The following ADRA1A variants were observed in gnomAD, a reference collection of about 807,000 sequenced individuals.
ADRA1A encodes the protein adrenoceptor alpha 1A, also known as alpha-1A adrenergic receptor.
Under a neutral mutation model 29.6 loss-of-function variants are expected in ADRA1A, and 31 were observed. The observed-to-expected ratio is 1.05, with a 90% CI of 0.79 to 1.41. ADRA1A has a LOEUF of 1.41. Among genes scored for constraint, ADRA1A ranks in the 40% most tolerant of loss-of-function variants. The pLI is 0.00. For synonymous variants in ADRA1A, 311 were observed against 254.3 expected (o/e 1.22, Z -2.12); for missense variants, 619 against 601.1 (o/e 1.03, Z -0.31).
intron 2 of ADRA1A, among the ~76,000 whole-genome samples, chr8:26,773,708 ACT>A (rs1806340835): frequency 1.3e-5 from 2 of 152,234 alleles, no homozygotes; most frequent in South Asian, 4.1e-4. Context: ...CTTCAATTAC[ACT>A]CATTCTGCTT....
At chr8:26,793,866 A>AT (rs1807999956) in intron 2 of ADRA1A, among the ~76,000 whole-genome samples, 1 of 152,042 alleles carries the variant, frequency 6.6e-6, no homozygotes, top group Admixed American at 6.6e-5. Flanking sequence ...GTATTTTCAG[A>AT]GTCTTTAAGT....
At chr8:26,765,772 T>A, downstream of ADRA1A, 3 of 1,184,190 alleles carry the variant, frequency 2.5e-6, no homozygotes, top group Non-Finnish European at 3.1e-6. Flanking sequence ...AGGCAGCATC[T>A]TTTTTGGCCA....
rs769974972 is a variant in ADRA1A at position 26,770,131 on chromosome 8, C to T, written c.*18G>A. 3.2e-5 allele frequency: 49 copies of T among 1,526,474 alleles called. No individual in the cohort carries two copies. The highest frequency in any genetic ancestry group is 4.0e-5 in the Non-Finnish European group (46 of 1,138,392). The allele number at this position is 1,526,474 out of a possible 1,614,324, so 94.6% of individuals were successfully genotyped here. Reference sequence around the variant, plus strand: ...GGGTACCTAAGATTATTCCCCTTTCCTCTGCATCTTTCCTGTCCTAGACTT... The same window carrying T: ...GGGTACCTAAGATTATTCCCCTTTCTTCTGCATCTTTCCTGTCCTAGACTT... On this transcript the variant is annotated 3_prime_UTR_variant, in exon 3 of 3. Transcript: ENST00000380573.
At chr8:26,844,095 T>A (rs943059959) in intron 2 of ADRA1A, among the ~76,000 whole-genome samples, 12 of 152,182 alleles carry the variant, frequency 7.9e-5, no homozygotes, top group Admixed American at 7.9e-4. Flanking sequence ...TTTTTCAGAT[T>A]TTATAAAGGT....
At chr8:26,839,722 T>C (rs527677266) in intron 2 of ADRA1A, among the ~76,000 whole-genome samples, 1 of 152,296 alleles carries the variant, frequency 6.6e-6, no homozygotes, top group African/African-American at 2.4e-5. Flanking sequence ...TGGAAGTAAT[T>C]TGGCGGAAGG....
At position 26,769,516 on chromosome 8, in the gene ADRA1A, T is replaced by G. The variant is rs1805982507; in HGVS notation, c.*633A>C. 1.0e-6 allele frequency: 1 copy of G among 985,268 alleles called. No individual in the cohort carries two copies. The highest frequency in any genetic ancestry group is 1.7e-5 in the African/African-American group (1 of 57,230). The allele number at this position is 985,268 out of a possible 1,614,324, so 61.0% of individuals were successfully genotyped here. A position where few individuals can be genotyped will look rare whatever the true frequency, so the allele number is the denominator to read the frequency against. On this transcript the variant is annotated 3_prime_UTR_variant, in exon 3 of 3. Coordinates refer to ENST00000380573, the MANE Select transcript of ADRA1A (RefSeq NM_000680.4). ...CCAAGACATCATGAGTGCCCCTCAC[T>G]CTCATCTTTGGGAAATGAGGAGCAG...
At chr8:26,758,098 T>A (rs1484371532) in intron 2 of ADRA1A, among the ~76,000 whole-genome samples, 1 of 152,158 alleles carries the variant, frequency 6.6e-6, no homozygotes, top group Non-Finnish European at 1.5e-5. Context: ...TAAGACAAAT[T>A]TTCCAGGTGG....
chr8:26,864,042 G>A lies in ADRA1A; in HGVS notation c.883+45C>T. The A allele has an allele frequency of 6.4e-7, 1 of 1,554,998 alleles. No individual in the cohort carries two copies. Among genetic ancestry groups the A allele is most frequent in the Non-Finnish European group, 8.7e-7 (1 of 1,150,940 alleles). On this transcript the variant is annotated intron_variant, in intron 2 of 2. Transcript: ENST00000380573. The surrounding 1 kb of genome is among the most constrained non-coding windows in gnomAD (Gnocchi z 8.1). ...GTCTGGGGTAACAGAAGCCGAGGAG[G>A]GTGAAGACCCCCAGATGCTAAAGTG...
chr8:26,822,549 A>C lies in ADRA1A; in HGVS notation c.883+41538T>G, dbSNP rs11135958. Among the ~76,000 whole-genome samples, 32 of 152,342 alleles carry C rather than the reference A, an allele frequency of 2.1e-4. 1 individual carries two copies. The East Asian group carries it at 5.4e-3, about 26-fold the overall frequency. On this transcript the variant is annotated intron_variant, in intron 2 of 2. Coordinates refer to ENST00000380573, the MANE Select transcript of ADRA1A (RefSeq NM_000680.4). ...AATGAAGATTACAATAATCCTCACAAGGTTGATGCAGAATGAAGAAAAATG... is the reference window on the plus strand; with the variant it reads ...AATGAAGATTACAATAATCCTCACACGGTTGATGCAGAATGAAGAAAAATG...
At chr8:26,813,815 C>A in intron 2 of ADRA1A, among the ~76,000 whole-genome samples, 1 of 152,006 alleles carries the variant, frequency 6.6e-6, no homozygotes, top group African/African-American at 2.4e-5. Flanking sequence ...AAACAAAAAG[C>A]AATTTCATAT....
intron 2 of ADRA1A, among the ~76,000 whole-genome samples, chr8:26,850,111 T>C (rs1008713207): frequency 2.7e-5 from 4 of 149,272 alleles, no homozygotes; most frequent in African/African-American, 9.9e-5. Flanking sequence ...GAGGACATCA[T>C]CATTAAAGGA....
At chr8:26,802,624 G>A (rs1226279517) in intron 2 of ADRA1A, among the ~76,000 whole-genome samples, 1 of 152,128 alleles carries the variant, frequency 6.6e-6, no homozygotes, top group African/African-American at 2.4e-5. Context: ...ACCGTTGGTG[G>A]GAGTGTGAAT....
At chr8:26,851,292 T>C (rs966295897) in intron 2 of ADRA1A, among the ~76,000 whole-genome samples, 4 of 152,172 alleles carry the variant, frequency 2.6e-5, no homozygotes, top group African/African-American at 9.7e-5. Flanking sequence ...GGTTTAAACA[T>C]GCTTTTGAAA....
rs1230503406 is a variant in ADRA1A at position 26,821,113 on chromosome 8, C to T, written c.883+42974G>A. On this transcript the variant is annotated intron_variant, in intron 2 of 2. Transcript: ENST00000380573. The surrounding 1 kb of genome is among the most constrained non-coding windows in gnomAD (Gnocchi z 5.6). ...GCCATGTTAGCCAGGTGGTCTCAAACTCCTGACCTCAGGTGATCCACCCAC... is the reference window on the plus strand; with the variant it reads ...GCCATGTTAGCCAGGTGGTCTCAAATTCCTGACCTCAGGTGATCCACCCAC... Among the ~76,000 whole-genome samples the T allele has an allele frequency of 6.6e-6, 1 of 152,136 alleles. No individual in the cohort carries two copies. The highest frequency in any genetic ancestry group is 2.1e-4 in the South Asian group (1 of 4,822).
chr8:26,864,880 C>T lies in ADRA1A; in HGVS notation c.90G>A (p.Gly30=). 1.9e-6 allele frequency: 3 copies of T among 1,614,078 alleles called. No homozygotes were observed. The highest frequency in any genetic ancestry group is 2.5e-6 in the Non-Finnish European group (3 of 1,180,018). ...AAAGAATGAGGCCCCCCAAGATCAC[C>T]CCGAGCAGAATGGCCTTGGAAATGT... The part of the protein sequence containing the change: ...PVNISKAILL[G]VILGGLILFG... Residue 30 remains glycine, a synonymous_variant, in exon 2 of 3, where the codon GGG becomes GGA. Transcript: ENST00000380573. This position sits in a 1 kb window ranked among gnomAD's most constrained non-coding sequence, Gnocchi z 8.1.
Position 26,866,879 on chromosome 8 carries a change from G to C in ADRA1A, c.-687+57C>G, listed in dbSNP as rs61757019. ...GGGGGTTCCGTCTCACCAGACGGCG[G>C]GGGAGGTCTGCCCTCACCCACTCGG... On this transcript the variant is annotated intron_variant, in intron 1 of 2. Transcript: ENST00000380573. The surrounding 1 kb of genome is among the most constrained non-coding windows in gnomAD (Gnocchi z 5.7). 53,409 of 985,458 alleles carry C rather than the reference G, an allele frequency of 0.054. 1,744 individuals carry two copies. Among genetic ancestry groups the C allele is most frequent in the African/African-American group, 0.14 (8,056 of 57,314 alleles). 61.0% of individuals were successfully genotyped at this position (985,458 alleles called of 1,614,324 possible). A position where few individuals can be genotyped will look rare whatever the true frequency, so the allele number is the denominator to read the frequency against.
At chr8:26,807,759 C>T (rs192926065) in intron 2 of ADRA1A, among the ~76,000 whole-genome samples, 28 of 152,222 alleles carry the variant, frequency 1.8e-4, no homozygotes, top group East Asian at 5.8e-4. Flanking sequence ...CAGGAGAGGG[C>T]AGCGTGGGTG....
downstream of ADRA1A, chr8:26,768,766 C>A: frequency 2.4e-6 from 1 of 409,278 alleles, no homozygotes; most frequent in Non-Finnish European, 3.3e-6. Flanking sequence ...TAATCTGAAA[C>A]ACTTCTGGTT....
intron 2 of ADRA1A, among the ~76,000 whole-genome samples, chr8:26,790,412 T>C (rs748593594): frequency 7.9e-5 from 12 of 152,056 alleles, no homozygotes; most frequent in Non-Finnish European, 1.5e-4. Flanking sequence ...AAAGTTGGTC[T>C]CGTAGAAGCA....
Sources: gnomAD v4.1 joint callset for allele counts (sites outside exome capture counted in the v4.1 genomes callset) on GRCh38, gnomAD v4.1.1 for gene constraint, Gnocchi (gnomAD v3.1) non-coding constraint, MANE v1.5 for transcripts, NCBI Gene and HGNC (gene_info 2026-07-23, HGNC 2026-07-21) for gene names.